FCHSD2: variants seen among roughly 807,000 people sequenced by gnomAD.
FCHSD2 encodes the protein FCH and double SH3 domains 2.
Under a neutral mutation model 108.1 loss-of-function variants are expected in FCHSD2, and 38 were observed. The ratio of observed to expected loss-of-function variants is 0.35; its 90% CI spans 0.27 to 0.46. The LOEUF is 0.46. Among genes scored for constraint, FCHSD2 ranks in the 20% least tolerant of loss-of-function variants. The pLI is 1.00. For synonymous variants in FCHSD2, 279 were observed against 314.7 expected (o/e 0.89, Z 1.20); for missense variants, 751 against 897.8 (o/e 0.84, Z 2.09).
At chr11:73,057,429 T>C (rs1202101542) in intron 3 of FCHSD2, among the ~76,000 whole-genome samples, 1 of 152,088 alleles carries the variant, frequency 6.6e-6, no homozygotes, top group Non-Finnish European at 1.5e-5. Flanking sequence ...ATTATGGGGG[T>C]TCCCAGCTTA....
intron 8 of FCHSD2, among the ~76,000 whole-genome samples, chr11:72,977,680 T>C (rs531350393): frequency 4.6e-5 from 7 of 152,260 alleles, no homozygotes; most frequent in African/African-American, 1.7e-4. Flanking sequence ...AAACAACAGG[T>C]GCTGGAGAGG....
chr11:73,036,324 C>CAA (rs529966875), intron 3 of FCHSD2, among the ~76,000 whole-genome samples: 30 of 128,704 alleles, frequency 2.3e-4, no homozygotes, highest in African/African-American at 5.1e-4. Context: ...AAATAAAAGA[C>CAA]AAAAAAAAAA....
chr11:73,081,486 T>G (rs1278937375), intron 3 of FCHSD2, among the ~76,000 whole-genome samples: 1 of 152,130 alleles, frequency 6.6e-6, no homozygotes, highest in Non-Finnish European at 1.5e-5. Context: ...TATAAAAATT[T>G]TGATTTTGTA....
chr11:72,985,946 TGA>T (rs1857302527), intron 6 of FCHSD2, among the ~76,000 whole-genome samples: 1 of 152,098 alleles, frequency 6.6e-6, no homozygotes, highest in East Asian at 1.9e-4. Context: ...GTGATTTCCA[TGA>T]GAGAATTCAA....
intron 12 of FCHSD2, among the ~76,000 whole-genome samples, chr11:72,886,295 T>C (rs543446783): frequency 2.8e-4 from 42 of 152,324 alleles, no homozygotes; most frequent in Non-Finnish European, 5.4e-4. Context: ...CCTTCTTTCC[T>C]ACCTTCATCT....
At chr11:72,871,228 C>A (rs973545951) in intron 12 of FCHSD2, among the ~76,000 whole-genome samples, 1 of 152,168 alleles carries the variant, frequency 6.6e-6, no homozygotes, top group African/African-American at 2.4e-5. Flanking sequence ...TCTGCTTCTA[C>A]TAGTCCTCCA....
At chr11:73,122,344 A>G (rs191597009) in intron 2 of FCHSD2, among the ~76,000 whole-genome samples, 77 of 152,316 alleles carry the variant, frequency 5.1e-4, no homozygotes, top group African/African-American at 1.8e-3. Flanking sequence ...ACATCAAGAC[A>G]TAGACTCTGC....
At chr11:72,882,221 T>A (rs1180172329) in intron 12 of FCHSD2, among the ~76,000 whole-genome samples, 1 of 151,364 alleles carries the variant, frequency 6.6e-6, no homozygotes, top group Non-Finnish European at 1.5e-5. Context: ...GGCGGGTGGA[T>A]CATGAGGTCA....
chr11:73,126,947 A>G (rs1356021447), intron 2 of FCHSD2, among the ~76,000 whole-genome samples: 2 of 152,198 alleles, frequency 1.3e-5, no homozygotes, highest in Non-Finnish European at 2.9e-5. Flanking sequence ...CCAAGGCACA[A>G]GAATTGCTGG....
At chr11:73,024,797 A>G (rs1858188713) in intron 3 of FCHSD2, among the ~76,000 whole-genome samples, 1 of 152,158 alleles carries the variant, frequency 6.6e-6, no homozygotes, top group African/African-American at 2.4e-5. Flanking sequence ...TTTACAGGGA[A>G]AAAAACAACA....
chr11:72,882,001 T>C (rs1411141493), intron 12 of FCHSD2, among the ~76,000 whole-genome samples: 2 of 151,624 alleles, frequency 1.3e-5, no homozygotes, highest in East Asian at 3.9e-4. Context: ...CAAAATTAGC[T>C]GGGTGTGGTG....
chr11:72,907,195 C>T (rs191276485), intron 9 of FCHSD2, among the ~76,000 whole-genome samples: 1 of 152,166 alleles, frequency 6.6e-6, no homozygotes, highest in Admixed American at 6.5e-5. Context: ...TATCCTGAGA[C>T]TTTGCTGAAG....
At chr11:72,990,915 T>C (rs1398822253) in intron 5 of FCHSD2, among the ~76,000 whole-genome samples, 2 of 151,918 alleles carry the variant, frequency 1.3e-5, no homozygotes, top group African/African-American at 4.8e-5. Flanking sequence ...AATCAATGAA[T>C]CCAGGAGCTG....
At position 73,021,145 on chromosome 11, in the gene FCHSD2, G is replaced by T. The variant is rs1858093785; in HGVS notation, c.166-5260C>A. 2.0e-5 allele frequency among the ~76,000 whole-genome samples: 3 copies of T among 152,028 alleles called. 1 individual carries two copies. In the South Asian group the frequency reaches 6.2e-4, roughly 32 times the overall value. ...TCCCACCTCTGCCTCCCAAAGGGCT[G>T]GGATTAAAGGTGCAGGCCACTGTGT... On this transcript the variant is annotated intron_variant, in intron 3 of 19. Transcript: ENST00000409418.
intron 3 of FCHSD2, among the ~76,000 whole-genome samples, chr11:73,033,966 G>A (rs1246118943): frequency 6.6e-6 from 1 of 152,068 alleles, no homozygotes; most frequent in Middle Eastern, 3.2e-3. Flanking sequence ...TATTTATCAT[G>A]TTATTACGAA....
At chr11:73,083,896 T>C (rs894188648) in intron 2 of FCHSD2, among the ~76,000 whole-genome samples, 156 bp from the exon 3 acceptor site, 2 of 152,214 alleles carry the variant, frequency 1.3e-5, no homozygotes, top group African/African-American at 4.8e-5. Flanking sequence ...GCTAACAGCC[T>C]GGTCTCTACA....
At position 73,093,762 on chromosome 11, in the gene FCHSD2, G is replaced by A. The variant is rs563819935; in HGVS notation, c.120-10022C>T. On this transcript the variant is annotated intron_variant, in intron 2 of 19. Coordinates refer to ENST00000409418, the MANE Select transcript of FCHSD2 (RefSeq NM_014824.3). ...GATTACAGGCATGCACCACCATGCCGAGCTAATTTTTTTTGTATTTTTAGT... is the reference window on the plus strand; with the variant it reads ...GATTACAGGCATGCACCACCATGCCAAGCTAATTTTTTTTGTATTTTTAGT... Among the ~76,000 whole-genome samples the A allele has an allele frequency of 3.4e-4, 51 of 151,098 alleles. No homozygotes were observed. In the South Asian group the frequency reaches 0.01, roughly 30 times the overall value.
Position 73,055,529 on chromosome 11 carries a change from G to A in FCHSD2, c.165+28166C>T, listed in dbSNP as rs1859005735. On this transcript the variant is annotated intron_variant, in intron 3 of 19. Transcript: ENST00000409418. Reference sequence around the variant, plus strand: ...TTTAAACCTTGAGATACAAGCTAATGATAGCAGAAAGTCATCAAAAGATAC... The same window carrying A: ...TTTAAACCTTGAGATACAAGCTAATAATAGCAGAAAGTCATCAAAAGATAC... 3.3e-5 allele frequency among the ~76,000 whole-genome samples: 5 copies of A among 152,184 alleles called. No individual in the cohort carries two copies. The South Asian group carries it at 1.0e-3, about 32-fold the overall frequency.
intron 13 of FCHSD2, among the ~76,000 whole-genome samples, chr11:72,859,904 G>T (rs1861525440): frequency 6.6e-6 from 1 of 152,232 alleles, no homozygotes; most frequent in East Asian, 1.9e-4. Flanking sequence ...ACATTAGTAA[G>T]GATACAGAAC....
Sources: allele counts gnomAD v4.1 joint callset (sites outside exome capture counted in the v4.1 genomes callset), GRCh38; gene constraint gnomAD v4.1.1; transcripts MANE v1.5; gene names NCBI Gene and HGNC (gene_info 2026-07-23, HGNC 2026-07-21).